The following NDST3 variants were observed in gnomAD, a reference collection of about 807,000 sequenced individuals.
The protein encoded by NDST3 is bifunctional heparan sulfate N-deacetylase/N-sulfotransferase 3.
A neutral mutation model predicts 96.1 loss-of-function variants in NDST3; 58 were observed. The observed-to-expected ratio is 0.60, with a 90% CI of 0.49 to 0.75. The LOEUF is 0.75. Ranked by LOEUF, NDST3 falls within the 30% of genes least tolerant of loss-of-function variation. The pLI, the probability that NDST3 is intolerant of heterozygous loss-of-function variation, is 0.00. For missense variants in NDST3, 788 were observed against 1,034.2 expected (o/e 0.76, Z 3.27); for synonymous variants, 333 against 359.7 (o/e 0.93, Z 0.84).
intron 2 of NDST3, among the ~76,000 whole-genome samples, chr4:118,095,294 T>G (rs1412601395): frequency 6.6e-6 from 1 of 151,486 alleles, no homozygotes; most frequent in East Asian, 1.9e-4. Context: ...GCATAGTGAG[T>G]AGGAAAGGAA....
At chr4:118,068,690 T>G (rs1275711093) in intron 2 of NDST3, among the ~76,000 whole-genome samples, 1 of 152,236 alleles carries the variant, frequency 6.6e-6, no homozygotes, top group East Asian at 1.9e-4. Flanking sequence ...TGGGGAAACA[T>G]AGGTTTAAAT....
At chr4:118,144,703 T>A (rs541199159) in intron 6 of NDST3, among the ~76,000 whole-genome samples, 84 of 151,816 alleles carry the variant, frequency 5.5e-4, no homozygotes, top group Non-Finnish European at 1.1e-3. Flanking sequence ...CCCTTGGCAT[T>A]GGCAATATTC....
intron 5 of NDST3, among the ~76,000 whole-genome samples, chr4:118,140,649 C>G (rs186326929): frequency 1.2e-4 from 18 of 152,178 alleles, no homozygotes; most frequent in Non-Finnish European, 5.9e-5. Context: ...GCTGGGGAGA[C>G]CTCAAGAAAC....
At chr4:118,179,542 C>CT (rs1354429643) in intron 6 of NDST3, among the ~76,000 whole-genome samples, 2 of 151,900 alleles carry the variant, frequency 1.3e-5, no homozygotes, top group Non-Finnish European at 2.9e-5. Context: ...CCCAATTAAA[C>CT]TTTTTTAAAA....
chr4:118,166,003 C>T (rs1735522706), intron 6 of NDST3, among the ~76,000 whole-genome samples: 1 of 150,216 alleles, frequency 6.7e-6, no homozygotes, highest in Non-Finnish European at 1.5e-5. Context: ...CTCAGGGAAA[C>T]TCAAGAAACT....
At chr4:118,199,271 CTG>C (rs1737909241) in intron 6 of NDST3, among the ~76,000 whole-genome samples, 1 of 152,244 alleles carries the variant, frequency 6.6e-6, no homozygotes. Flanking sequence ...TCTCCTCTGA[CTG>C]TATTTTCAAA....
At chr4:118,069,496 C>G (rs1336289421) in intron 2 of NDST3, among the ~76,000 whole-genome samples, 4 of 151,604 alleles carry the variant, frequency 2.6e-5, no homozygotes, top group Non-Finnish European at 2.9e-5. Flanking sequence ...TCTAAATGTC[C>G]AAAATGAAAA....
In NDST3 at chr4:118,194,303, G is replaced by A. The variant is rs1737519372; in HGVS notation, c.1540-30188G>A. On this transcript the variant is annotated intron_variant, in intron 6 of 13. Transcript: ENST00000296499. The stretch of plus-strand genomic sequence containing the variant: ...TTCACCGCAAGTCTGTAATTCTGTA[G>A]ATGATTCCGCCATCTTCTTCTTCCG... 1.1e-5 allele frequency: 8 copies of A among 733,474 alleles called. No homozygotes were observed. In the South Asian group the frequency reaches 1.2e-4, roughly 11 times the overall value. The allele number at this position is 733,474 out of a possible 1,614,324, so 45.4% of individuals were successfully genotyped here. A position where few individuals can be genotyped will look rare whatever the true frequency, so the allele number is the denominator to read the frequency against.
intron 3 of NDST3, among the ~76,000 whole-genome samples, chr4:118,106,803 C>A (rs1730223759): frequency 6.6e-6 from 1 of 151,884 alleles, no homozygotes; most frequent in African/African-American, 2.4e-5. Context: ...AAAAAAAAAT[C>A]TAATTGGCTG....
chr4:118,230,943 A>G (rs1740242930), intron 8 of NDST3, among the ~76,000 whole-genome samples: 2 of 152,150 alleles, frequency 1.3e-5, no homozygotes, highest in South Asian at 4.1e-4. Context: ...AAGAAAGCTT[A>G]ATTTATAAAT....
rs1742105077 is a variant in NDST3, at chr4:118,256,104, C to A, written c.*392C>A. The A allele has an allele frequency of 6.5e-6, 1 of 152,856 alleles. No homozygotes were observed. The highest frequency in any genetic ancestry group is 2.1e-4 in the South Asian group (1 of 4,834). The allele number at this position is 152,856 out of a possible 1,614,324, so 9.5% of individuals were successfully genotyped here. On this transcript the variant is annotated 3_prime_UTR_variant, in exon 14 of 14. Coordinates refer to ENST00000296499, the MANE Select transcript of NDST3 (RefSeq NM_004784.3). ...CCACTGTTTGCCTGTACGATGTTTT[C>A]TTATTATTTTATTCTATAAAGTGTC...
chr4:118,249,632 CAA>C (rs1221879600), intron 12 of NDST3, among the ~76,000 whole-genome samples: 1 of 152,012 alleles, frequency 6.6e-6, no homozygotes, highest in Non-Finnish European at 1.5e-5. Context: ...CTCTAATACA[CAA>C]AGTCATACAG....
At chr4:118,161,812 C>T (rs1031098600) in intron 6 of NDST3, among the ~76,000 whole-genome samples, 6 of 152,170 alleles carry the variant, frequency 3.9e-5, no homozygotes, top group African/African-American at 1.2e-4. Context: ...ACTCCCTGAT[C>T]CCTTGAGCTT....
In NDST3 at chr4:118,138,265, G is replaced by T. The variant is rs546359148; in HGVS notation, c.1410+26G>T. ...GTGAGCTTCCTCCAGTATGCATAGG[G>T]TACAACTAATTCTGCAAGATTTCAT... On this transcript the variant is annotated intron_variant, in intron 5 of 13. Transcript: ENST00000296499. The T allele has an allele frequency of 7.7e-6, 12 of 1,566,424 alleles. No individual in the cohort carries two copies. The South Asian group carries it at 1.2e-4, about 16-fold the overall frequency.
intron 7 of NDST3, among the ~76,000 whole-genome samples, chr4:118,225,224 A>C (rs1739799280): frequency 6.6e-6 from 1 of 152,166 alleles, no homozygotes; most frequent in Non-Finnish European, 1.5e-5. Flanking sequence ...GATAAATACC[A>C]CATGAATACA....
chr4:118,172,199 T>C (rs1022292627), intron 6 of NDST3, among the ~76,000 whole-genome samples: 26 of 152,172 alleles, frequency 1.7e-4, no homozygotes, highest in African/African-American at 6.3e-4. Flanking sequence ...TTGGTGTAAA[T>C]AGGACAAACA....
chr4:118,141,224 A>G (rs1290187388), intron 5 of NDST3, among the ~76,000 whole-genome samples: 1 of 152,182 alleles, frequency 6.6e-6, no homozygotes, highest in African/African-American at 2.4e-5. Flanking sequence ...TGACTTTGAT[A>G]CTGTTACATT....
intron 6 of NDST3, among the ~76,000 whole-genome samples, chr4:118,222,887 GATTTCGAATGT>G (rs1739642461): frequency 1.3e-5 from 2 of 151,870 alleles, no homozygotes; most frequent in African/African-American, 4.8e-5. Context: ...AATTCAAAGG[GATTTCGAATGT>G]ATTAGTATCA....
chr4:118,112,041 C>T (rs1730685099), intron 3 of NDST3, among the ~76,000 whole-genome samples: 2 of 151,914 alleles, frequency 1.3e-5, no homozygotes, highest in Non-Finnish European at 2.9e-5. Context: ...AAAACATTCT[C>T]AAAGTAGGAT....
Sources: allele counts gnomAD v4.1 joint callset (sites outside exome capture counted in the v4.1 genomes callset), GRCh38; gene constraint gnomAD v4.1.1; transcripts MANE v1.5; gene names NCBI Gene and HGNC (gene_info 2026-07-23, HGNC 2026-07-21).